DIXDC1: variants seen among roughly 807,000 people sequenced by gnomAD.
DIXDC1 encodes DIX domain containing 1.
A neutral mutation model predicts 103.1 loss-of-function variants in DIXDC1; 64 were observed. The observed-to-expected ratio is 0.62, with a 90% CI of 0.51 to 0.76. DIXDC1 has a LOEUF of 0.76. DIXDC1 is among the 30% of genes least tolerant of loss of function. The pLI, the probability that DIXDC1 is intolerant of heterozygous loss-of-function variation, is 0.00. For synonymous variants in DIXDC1, 266 were observed against 298.5 expected, an observed-to-expected ratio of 0.89 and a Z score of 1.12; for missense variants, 759 against 834.2, an observed-to-expected ratio of 0.91 and a Z score of 1.11.
chr11:111,966,995 TC>T (rs1859761466), intron 2 of DIXDC1, among the ~76,000 whole-genome samples: 1 of 152,334 alleles, frequency 6.6e-6, no homozygotes, highest in Admixed American at 6.5e-5. Flanking sequence ...TCAAACACTT[TC>T]TTTACTTGGC....
intron 17 of DIXDC1, among the ~76,000 whole-genome samples, chr11:112,005,724 T>G (rs587657134): frequency 6.6e-6 from 1 of 151,904 alleles, no homozygotes; most frequent in Admixed American, 6.6e-5. Context: ...CGTCCCCCCC[T>G]CAAAAAATAC....
intron 1 of DIXDC1, among the ~76,000 whole-genome samples, chr11:111,940,895 C>T (rs1555168768): frequency 6.6e-6 from 1 of 152,176 alleles, no homozygotes; most frequent in Non-Finnish European, 1.5e-5. Flanking sequence ...GTGCCAGGCT[C>T]TGGAAATACA....
At chr11:111,941,905 A>G (rs1396241709) in intron 1 of DIXDC1, among the ~76,000 whole-genome samples, 1 of 151,802 alleles carries the variant, frequency 6.6e-6, no homozygotes, top group Non-Finnish European at 1.5e-5. Context: ...TCTCATCTCC[A>G]TAAGGGGGAC....
At chr11:111,967,493 A>G (rs1859776589) in intron 2 of DIXDC1, among the ~76,000 whole-genome samples, 1 of 152,226 alleles carries the variant, frequency 6.6e-6, no homozygotes, top group Non-Finnish European at 1.5e-5. Flanking sequence ...CTTCCACTCT[A>G]GCCCAAACCA....
intron 16 of DIXDC1, among the ~76,000 whole-genome samples, 158 bp downstream of exon 16, chr11:111,995,722 A>G (rs1177293389): frequency 6.6e-6 from 1 of 150,760 alleles, no homozygotes; most frequent in East Asian, 2.0e-4. Flanking sequence ...GGAACTGACT[A>G]TTCATCATGG....
At chr11:112,018,152 TAAAG>T (rs1861653758) in intron 19 of DIXDC1, among the ~76,000 whole-genome samples, 1 of 152,174 alleles carries the variant, frequency 6.6e-6, no homozygotes, top group Non-Finnish European at 1.5e-5. Context: ...TTAGGGAAAA[TAAAG>T]AACCTAAGAC....
chr11:111,939,521 C>T (rs1437445718), intron 1 of DIXDC1, among the ~76,000 whole-genome samples: 3 of 152,108 alleles, frequency 2.0e-5, no homozygotes, highest in Non-Finnish European at 4.4e-5. Flanking sequence ...TCCCTCCATC[C>T]CCTCCACAAG....
chr11:111,969,939 T>C (rs1859859720), intron 3 of DIXDC1, among the ~76,000 whole-genome samples: 1 of 152,202 alleles, frequency 6.6e-6, no homozygotes, highest in Admixed American at 6.5e-5. Context: ...CTCTCTTCAC[T>C]GATGATATGA....
intron 11 of DIXDC1, 63 bp from the exon 12 acceptor site, chr11:111,992,888 C>G: frequency 1.3e-6 from 2 of 1,521,814 alleles, no homozygotes; most frequent in Non-Finnish European, 1.8e-6. Context: ...TACTAAGTAG[C>G]TGGTTTCCTT....
chr11:111,938,233 TTCC>T (rs1555168462), intron 1 of DIXDC1, among the ~76,000 whole-genome samples: 1 of 152,146 alleles, frequency 6.6e-6, no homozygotes, highest in African/African-American at 2.4e-5. Context: ...AAGGGGTCAT[TTCC>T]TCCCCACTTG....
intron 1 of DIXDC1, among the ~76,000 whole-genome samples, chr11:111,961,815 G>T (rs1859588417): frequency 2.0e-5 from 3 of 152,190 alleles, no homozygotes; most frequent in Admixed American, 1.3e-4. Context: ...ACAAATATTT[G>T]TTGAGCACCT....
chr11:111,937,130 G>GGGGT (rs1555168208), upstream of DIXDC1: 110 of 677,304 alleles, frequency 1.6e-4, 9 homozygotes, highest in African/African-American at 2.9e-3. Context: ...TGCGGCCCGG[G>GGGGT]CGGGGGGGGG....
intron 10 of DIXDC1, among the ~76,000 whole-genome samples, chr11:111,989,624 GGAAA>G (rs1566539616): frequency 8.1e-5 from 4 of 49,456 alleles, no homozygotes; most frequent in Non-Finnish European, 7.4e-5. Context: ...ACTCCGTCTC[GGAAA>G]AAAAAAAAAA....
intron 1 of DIXDC1, among the ~76,000 whole-genome samples, chr11:111,950,439 T>TATATA (rs61541869): frequency 1.1e-4 from 1 of 9,490 alleles, no homozygotes; most frequent in Non-Finnish European, 1.8e-4. Context: ...TATATATATA[T>TATATA]TTTTTTTTTT....
At chr11:111,950,105 T>C (rs1555169757) in intron 1 of DIXDC1, among the ~76,000 whole-genome samples, 1 of 151,980 alleles carries the variant, frequency 6.6e-6, no homozygotes, top group African/African-American at 2.4e-5. Flanking sequence ...GTGAAATTTA[T>C]TAAAGGCAAA....
rs782395533 is a variant in DIXDC1, at chr11:111,964,644, TG to T, written c.160del (p.Val54Ter). 1.5e-5 allele frequency: 24 copies of T among 1,612,462 alleles called. No homozygotes were observed. The highest frequency in any genetic ancestry group is 2.0e-5 in the Non-Finnish European group (23 of 1,179,352). ...AGGACCTGCGACAAGATCTCCGGGATGGGGTGATCCTGGCATATCTCATCGA... is the reference window on the plus strand; with the variant it reads ...AGGACCTGCGACAAGATCTCCGGGATGGGTGATCCTGGCATATCTCATCGA... ...VQDLRQDLRD[G>X]VILAYLIEIV... On this transcript the variant is annotated frameshift_variant, in exon 2 of 20. Coordinates refer to ENST00000440460, the MANE Select transcript of DIXDC1 (RefSeq NM_001037954.4). LOFTEE classifies it high-confidence loss of function.
chr11:111,972,930 G>A (rs1859981742), intron 3 of DIXDC1, among the ~76,000 whole-genome samples: 1 of 151,604 alleles, frequency 6.6e-6, no homozygotes, highest in Non-Finnish European at 1.5e-5. Flanking sequence ...GTGGTGGTGG[G>A]CACCTGTAAT....
At chr11:112,016,841 A>G in intron 18 of DIXDC1, 45 bp downstream of exon 18, 1 of 1,518,052 alleles carries the variant, frequency 6.6e-7, no homozygotes, top group South Asian at 1.2e-5. Flanking sequence ...GAAGGAAAGG[A>G]AGGCAGAACC....
At chr11:111,928,660 G>A (rs1965915569) in intron 1 of DIXDC1, among the ~76,000 whole-genome samples, 1 of 152,176 alleles carries the variant, frequency 6.6e-6, no homozygotes, top group Non-Finnish European at 1.5e-5. Flanking sequence ...CTACTCTGGA[G>A]GCTGAGGCAG....
Sources: allele counts gnomAD v4.1 joint callset (sites outside exome capture counted in the v4.1 genomes callset), GRCh38; gene constraint gnomAD v4.1.1; transcripts MANE v1.5; gene names NCBI Gene and HGNC (gene_info 2026-07-23, HGNC 2026-07-21).